Variants in PAPLN observed in about 807,000 individuals in gnomAD.
PAPLN encodes the protein papilin, proteoglycan like sulfated glycoprotein, also known as papilin.
Under a neutral mutation model 159.0 loss-of-function variants are expected in PAPLN, and 146 were observed. That is an observed-to-expected ratio of 0.92 (90% CI 0.80 to 1.05). The LOEUF (loss-of-function observed/expected upper bound fraction) is 1.05. Among genes scored for constraint, PAPLN ranks in the 50% least tolerant of loss-of-function variants. PAPLN has a pLI of 0.00. For synonymous variants in PAPLN, 734 were observed against 702.9 expected (o/e 1.04, Z -0.70); for missense variants, 1,720 against 1,743.9 (o/e 0.99, Z 0.24).
intron 26 of PAPLN, among the ~76,000 whole-genome samples, chr14:73,271,306 A>G (rs775478683): frequency 6.6e-6 from 1 of 152,152 alleles, no homozygotes; most frequent in African/African-American, 2.4e-5. Context: ...TGGTTATACC[A>G]ATATACCAAA....
chr14:73,262,090 G>A (rs1886646054), intron 18 of PAPLN: 1 of 435,768 alleles, frequency 2.3e-6, no homozygotes, highest in Admixed American at 4.1e-5. Context: ...GGCCCAGGGA[G>A]CCCTGGCCCT....
rs1245622657 is a variant in PAPLN, at chr14:73,268,572, G to T, written c.3516G>T (p.Val1172=). Residue 1172 remains valine (V), a synonymous_variant, in exon 26 of 27, where the codon GTG becomes GTT. Coordinates refer to ENST00000644200, the MANE Select transcript of PAPLN (RefSeq NM_001365906.3). Reference sequence around the variant, plus strand: ...TCTCCTCCAGGAACGGGCTACCTGTGCAGGCTGATGGCCACCGTGTCCACC... The same window carrying T: ...TCTCCTCCAGGAACGGGCTACCTGTTCAGGCTGATGGCCACCGTGTCCACC... ...NIRWSRNGLP[V]QADGHRVHQS... 1.2e-6 allele frequency: 2 copies of T among 1,612,914 alleles called. No homozygotes were observed. The highest frequency in any genetic ancestry group is 1.7e-5 in the Admixed American group (1 of 59,922).
chr14:73,260,577 G>A (rs1886450792), intron 16 of PAPLN, 132 bp from the exon 17 acceptor site: 1 of 1,219,536 alleles, frequency 8.2e-7, no homozygotes. Context: ...CCTGCACACG[G>A]GGACACGTCC....
Position 73,251,990 on chromosome 14 carries a change from G to C in PAPLN, c.844-28G>C, listed in dbSNP as rs752860876. 2.3e-5 allele frequency: 37 copies of C among 1,588,024 alleles called. No homozygotes were observed. In the East Asian group the frequency reaches 7.9e-4, roughly 34 times the overall value. On this transcript the variant is annotated intron_variant, in intron 9 of 26. Coordinates refer to ENST00000644200, the MANE Select transcript of PAPLN (RefSeq NM_001365906.3). ...GGTGTGGGAGTGCTCCCCAGCAGCA[G>C]ACCCCAACAAGGACTCTCCCGTGAC...
chr14:73,271,524 C>T (rs1887719653), intron 26 of PAPLN, among the ~76,000 whole-genome samples: 1 of 148,650 alleles, frequency 6.7e-6, no homozygotes, highest in Admixed American at 6.7e-5. Context: ...TTTTTTAAGA[C>T]AGAATCTTGC....
intron 10 of PAPLN, 75 bp downstream of exon 10, chr14:73,252,216 C>T: frequency 6.7e-7 from 1 of 1,488,656 alleles, no homozygotes; most frequent in Non-Finnish European, 9.0e-7. Flanking sequence ...GGGCAAGTCA[C>T]AGCCCTCTCC....
chr14:73,254,441 C>A, intron 12 of PAPLN, 72 bp from the exon 13 acceptor site: 1 of 1,564,844 alleles, frequency 6.4e-7, no homozygotes, highest in Non-Finnish European at 8.7e-7. Context: ...GGCTGGTGGG[C>A]CGCTAGCTGT....
chr14:73,259,638 G>A, intron 16 of PAPLN, 93 bp downstream of exon 16: 8 of 1,382,904 alleles, frequency 5.8e-6, no homozygotes, highest in Non-Finnish European at 5.6e-6. Context: ...GAAGAGGGCT[G>A]GGGTGGGTGT....
rs577551193 is a variant in PAPLN, at chr14:73,266,778, G to A, written c.3447G>A (p.Thr1149=). 8.1e-6 allele frequency: 13 copies of A among 1,613,990 alleles called. No homozygotes were observed. The highest frequency in any genetic ancestry group is 5.5e-5 in the South Asian group (5 of 91,054). Residue 1149 remains threonine (T), a synonymous_variant, in exon 25 of 27, where the codon ACG becomes ACA. Transcript: ENST00000644200. ...CTGTGACAGTGCCAGAGGGTGATAC[G>A]GCCAGGCTATTGTGTGTGGTAGCAG... is the stretch of plus-strand genomic sequence containing the variant. ...PPTVTVPEGD[T]ARLLCVVAGE... is the part of the protein sequence containing the mutation.
chr14:73,268,870 C>CAAG, intron 26 of PAPLN, 147 bp downstream of exon 26: 1 of 1,005,474 alleles, frequency 9.9e-7, no homozygotes, highest in Non-Finnish European at 1.4e-6. Flanking sequence ...GGGCAAGGGG[C>CAAG]TTACCTTCCT....
chr14:73,240,241 T>G (rs1052237585), intron 2 of PAPLN, among the ~76,000 whole-genome samples: 2 of 152,072 alleles, frequency 1.3e-5, no homozygotes, highest in African/African-American at 4.8e-5. Flanking sequence ...CCTAGAGGTT[T>G]GGGGTGCCAG....
chr14:73,268,765 A>G (rs1411251560), intron 26 of PAPLN, 42 bp downstream of exon 26: 12 of 1,544,210 alleles, frequency 7.8e-6, no homozygotes, highest in Middle Eastern at 1.7e-4. Flanking sequence ...GACATTCCCC[A>G]GTAGATTTAC....
chr14:73,253,620 T>TC, intron 11 of PAPLN, 134 bp from the exon 12 acceptor site: 1 of 835,384 alleles, frequency 1.2e-6, no homozygotes, highest in Non-Finnish European at 1.8e-6. Context: ...TAGCCTTTGT[T>TC]CAGGCTGGAG....
chr14:73,266,276 A>G lies in PAPLN; in HGVS notation c.3264-225A>G, dbSNP rs186331618. Among the ~76,000 whole-genome samples, 694 of 152,258 alleles carry G rather than the reference A, an allele frequency of 4.6e-3. 4 individuals are homozygous for G. Among genetic ancestry groups the G allele is most frequent in the African/African-American group, 0.015 (641 of 41,546 alleles). On this transcript the variant is annotated intron_variant, in intron 23 of 26. Transcript: ENST00000644200. Reference sequence around the variant, plus strand: ...CTTGAACCTGGGTGGCAGAGGTTGCAGTGAGCTGAGATCGCACCACCGAAA... The same window carrying G: ...CTTGAACCTGGGTGGCAGAGGTTGCGGTGAGCTGAGATCGCACCACCGAAA...
rs1483476166 is a variant in PAPLN at position 73,274,180 on chromosome 14, T to C, written c.*1516T>C. ...AGCAATGGGGAAGGGTTGTGGGCAA[T>C]GCAGTAACAGGGAAATGGCTTCAGA... On this transcript the variant is annotated 3_prime_UTR_variant, in exon 27 of 27. Transcript: ENST00000644200. The C allele has an allele frequency of 6.6e-6, 1 of 152,224 alleles. No individual in the cohort carries two copies. The highest frequency in any genetic ancestry group is 1.5e-5 in the Non-Finnish European group (1 of 68,046). The allele number at this position is 152,224 out of a possible 1,614,324, so 9.4% of individuals were successfully genotyped here. A position where few individuals can be genotyped will look rare whatever the true frequency, so the allele number is the denominator to read the frequency against.
In PAPLN at chr14:73,259,392, C is replaced by A; in HGVS notation, c.1832C>A (p.Ser611Tyr). Residue 611 changes from serine (S) to tyrosine (Y), a missense_variant, in exon 16 of 27, where the codon TCT becomes TAT. Physicochemically the swap from Ser to Tyr is moderately radical, Grantham distance 144 (BLOSUM62 -2). Coordinates refer to ENST00000644200, the MANE Select transcript of PAPLN (RefSeq NM_001365906.3). ...CTGTCAGCCCTGGGCCCCGCTCCCT[C>A]TCTGCAGCAGCCCCCATACCAGCAA... ...THLSALGPAP[S>Y]LQQPPYQQPL... is the part of the protein sequence containing the mutation. 6.2e-7 allele frequency: 1 copy of A among 1,612,852 alleles called. No individual in the cohort carries two copies. The highest frequency in any genetic ancestry group is 8.5e-7 in the Non-Finnish European group (1 of 1,179,542).
At chr14:73,261,718 GC>G (rs763438798) in intron 18 of PAPLN, among the ~76,000 whole-genome samples, 16 of 152,224 alleles carry the variant, frequency 1.1e-4, no homozygotes, top group Non-Finnish European at 2.4e-4. Context: ...TGAGGTTGCA[GC>G]CCTGGATGAA....
chr14:73,244,694 G>A lies in PAPLN; in HGVS notation c.105G>A (p.Trp35Ter), dbSNP rs987028757. The A allele has an allele frequency of 1.3e-6, 2 of 1,599,256 alleles. No homozygotes were observed. The highest frequency in any genetic ancestry group is 4.5e-5 in the East Asian group (2 of 44,010). ...ACACCTGGGGACCCTGGAGCCAGTGGAGCCCCTGCAGCCGGACCTGTGGAG... is the reference window on the plus strand; with the variant it reads ...ACACCTGGGGACCCTGGAGCCAGTGAAGCCCCTGCAGCCGGACCTGTGGAG... The part of the protein sequence containing the change: ...QSDTWGPWSQ[W>*]SPCSRTCGGG... The change falls in exon 3 of 27, where the codon TGG (tryptophan) becomes TGA (stop). Residue 35 changes from tryptophan (W) to a stop codon, truncating the protein, a stop_gained. Coordinates refer to ENST00000644200, the MANE Select transcript of PAPLN (RefSeq NM_001365906.3). LOFTEE classifies it high-confidence loss of function.
chr14:73,241,286 A>C (rs919603182), intron 2 of PAPLN, among the ~76,000 whole-genome samples: 3 of 151,932 alleles, frequency 2.0e-5, no homozygotes, highest in Non-Finnish European at 4.4e-5. Flanking sequence ...CCTAAATGCC[A>C]CTCTCAGGTC....
Sources: allele counts gnomAD v4.1 joint callset (sites outside exome capture counted in the v4.1 genomes callset), GRCh38; gene constraint gnomAD v4.1.1; transcripts MANE v1.5; gene names NCBI Gene and HGNC (gene_info 2026-07-23, HGNC 2026-07-21).